Variants in GRHPR observed in about 807,000 individuals in gnomAD.
GRHPR encodes the protein glyoxylate reductase/hydroxypyruvate reductase.
GRHPR carries 35 observed loss-of-function variants against 36.8 expected under a neutral mutation model. The ratio of observed to expected loss-of-function variants is 0.95; its 90% CI spans 0.73 to 1.26. The LOEUF (loss-of-function observed/expected upper bound fraction) is 1.26, where lower values mean the gene tolerates loss of function less well. Ranked by LOEUF, GRHPR falls within the 50% of genes most tolerant of loss-of-function variation. The pLI is 0.00. For synonymous variants in GRHPR, 179 were observed against 181.0 expected, an observed-to-expected ratio of 0.99 and a Z score of 0.09; for missense variants, 380 against 435.0, an observed-to-expected ratio of 0.87 and a Z score of 1.12.
chr9:37,431,097 G>C (rs533392524), intron 7 of GRHPR: 14 of 464,548 alleles, frequency 3.0e-5, no homozygotes, highest in Non-Finnish European at 5.8e-5. Context: ...TCACGTGGTC[G>C]TAGCTCCTCA....
At chr9:37,429,965 G>C in intron 6 of GRHPR, 129 bp downstream of exon 6, 1 of 707,608 alleles carries the variant, frequency 1.4e-6, no homozygotes, top group South Asian at 1.5e-5. Flanking sequence ...CTGTCTGGTA[G>C]ATGTTTAATC....
At chr9:37,434,640 T>G (rs1297119481) in intron 8 of GRHPR, 1 of 173,270 alleles carries the variant, frequency 5.8e-6, no homozygotes, top group Non-Finnish European at 1.2e-5. Flanking sequence ...ACGGACCTTT[T>G]GCAAAATGCC....
At position 37,422,729 on chromosome 9, in the gene GRHPR, C is replaced by A. The variant is rs750839268; in HGVS notation, c.-22C>A. ...GGGCCAGCTTCTGTACTGCCAGGTC[C>A]GGGTCGGCGGCTGCACTGCGGATGA... is the stretch of plus-strand genomic sequence containing the variant. On this transcript the variant is annotated 5_prime_UTR_variant, in exon 1 of 9. Transcript: ENST00000318158. 2 of 1,550,852 alleles carry A rather than the reference C, an allele frequency of 1.3e-6. No individual in the cohort carries two copies. The highest frequency in any genetic ancestry group is 3.7e-5 in the Admixed American group (2 of 53,712).
chr9:37,426,765 T>C lies in GRHPR; in HGVS notation c.404+111T>C, dbSNP rs551500472. ...GAGTTCGAGACCAGTCTGGCCAACA[T>C]AGTGAAACCCCGTCTCTAGTAAAAA... is the stretch of plus-strand genomic sequence containing the variant. On this transcript the variant is annotated intron_variant, in intron 4 of 8. Coordinates refer to ENST00000318158, the MANE Select transcript of GRHPR (RefSeq NM_012203.2). 44 of 705,542 alleles carry C rather than the reference T, an allele frequency of 6.2e-5. No individual in the cohort carries two copies. In the East Asian group the frequency reaches 1.2e-3, roughly 19 times the overall value. 43.7% of individuals were successfully genotyped at this position (705,542 alleles called of 1,614,324 possible). A position where few individuals can be genotyped will look rare whatever the true frequency, so the allele number is the denominator to read the frequency against.
In GRHPR at chr9:37,428,799, TA is replaced by T. The variant is rs1823212073; in HGVS notation, c.493+229del. On this transcript the variant is annotated intron_variant, in intron 5 of 8. Transcript: ENST00000318158. The stretch of plus-strand genomic sequence containing the variant: ...CACCAGGTGATAAAAGCAAGTTGCC[TA>T]AGGGTCAGGGGGCTTCATGATTCCG... 5.6e-5 allele frequency: 38 copies of T among 675,254 alleles called. 2 individuals are homozygous for T. The South Asian group carries it at 5.8e-4, about 10-fold the overall frequency. The allele number at this position is 675,254 out of a possible 1,614,324, so 41.8% of individuals were successfully genotyped here.
chr9:37,423,166 C>CTT lies in GRHPR; in HGVS notation c.83+349_83+350dup, dbSNP rs111508809. On this transcript the variant is annotated intron_variant, in intron 1 of 8. Coordinates refer to ENST00000318158, the MANE Select transcript of GRHPR (RefSeq NM_012203.2). ...ACTCTTCTTCTTTATATTTACTTAT[C>CTT]TTTTTTTTTTTTTTTTTGAGACAGT... is the stretch of plus-strand genomic sequence containing the variant. 3.8e-4 allele frequency among the ~76,000 whole-genome samples: 52 copies of CTT among 137,042 alleles called. 1 individual carries two copies. The highest frequency in any genetic ancestry group is 8.6e-4 in the African/African-American group (32 of 37,154). The allele number at this position is 137,042 out of a possible 152,430, so 89.9% of individuals were successfully genotyped here.
At chr9:37,432,212 G>C in intron 8 of GRHPR, 74 bp downstream of exon 8, 1 of 1,465,432 alleles carries the variant, frequency 6.8e-7, no homozygotes, top group South Asian at 1.2e-5. Context: ...GTCCCAAGGG[G>C]CCGGGTGTGG....
Position 37,432,070 on chromosome 9 carries a change from C to T in GRHPR, c.797C>T (p.Ala266Val). ...TTGGCCAGTGGTAAGATTGCAGCTG[C>T]TGGACTGGATGTGACGAGCCCAGAA... is the stretch of plus-strand genomic sequence containing the variant. ...QALASGKIAA[A>V]GLDVTSPEPL... is the part of the protein sequence containing the mutation. The change falls in exon 8 of 9, where the codon GCT (alanine) becomes GTT (valine). Residue 266 changes from alanine (A) to valine (V), a missense_variant. By Grantham distance (64) the Ala-to-Val change is moderately conservative. Coordinates refer to ENST00000318158, the MANE Select transcript of GRHPR (RefSeq NM_012203.2). The T allele has an allele frequency of 3.1e-6, 5 of 1,614,018 alleles. No homozygotes were observed. The South Asian group carries it at 5.5e-5, about 18-fold the overall frequency.
At position 37,426,612 on chromosome 9, in the gene GRHPR, C is replaced by T; in HGVS notation, c.362C>T (p.Thr121Ile). Residue 121 changes from threonine (T) to isoleucine (I), a missense_variant, in exon 4 of 9, where the codon ACC (threonine) becomes ATC (isoleucine). Coordinates refer to ENST00000318158, the MANE Select transcript of GRHPR (RefSeq NM_012203.2). ...TAELAVSLLL[T>I]TCRRLPEAIE... ...GAACTCGCAGTCTCCCTGCTACTTA[C>T]CACCTGCCGCCGGTTGCCGGAGGCC... is the stretch of plus-strand genomic sequence containing the variant. 8.1e-6 allele frequency: 13 copies of T among 1,613,616 alleles called. No individual in the cohort carries two copies. The highest frequency in any genetic ancestry group is 1.1e-5 in the Non-Finnish European group (13 of 1,179,538).
intron 6 of GRHPR, chr9:37,430,244 G>A (rs1345162534): frequency 6.9e-6 from 4 of 578,320 alleles, no homozygotes; most frequent in Non-Finnish European, 1.2e-5. Context: ...CCACAGCCTG[G>A]TGAGCAGATG....
At chr9:37,427,421 C>T (rs546918240) in intron 4 of GRHPR, among the ~76,000 whole-genome samples, 12 of 152,232 alleles carry the variant, frequency 7.9e-5, no homozygotes, top group African/African-American at 2.9e-4. Context: ...AGGCTGCTGC[C>T]CAGACACTGC....
chr9:37,431,988 G>A lies in GRHPR; in HGVS notation c.735-20G>A. On this transcript the variant is annotated intron_variant, in intron 7 of 8. Transcript: ENST00000318158. ...GCGGAGGGATCTTCGGGGTACCCAT[G>A]TCACCACTGTCATTCCCAGGGGCGA... is the stretch of plus-strand genomic sequence containing the variant. 1 of 1,613,806 alleles carries A rather than the reference G, an allele frequency of 6.2e-7. No individual in the cohort carries two copies. Among genetic ancestry groups the A allele is most frequent in the Non-Finnish European group, 8.5e-7 (1 of 1,179,748 alleles).
chr9:37,425,246 C>T (rs1823026662), intron 2 of GRHPR, among the ~76,000 whole-genome samples: 1 of 152,226 alleles, frequency 6.6e-6, no homozygotes, highest in African/African-American at 2.4e-5. Flanking sequence ...CTGGGTTCTC[C>T]AGCCCTGCCA....
At chr9:37,434,891 A>G (rs1823565850) in intron 8 of GRHPR, 1 of 152,298 alleles carries the variant, frequency 6.6e-6, no homozygotes, top group African/African-American at 2.4e-5. Flanking sequence ...CTCAGCAACC[A>G]AAAACCATTA....
intron 1 of GRHPR, among the ~76,000 whole-genome samples, chr9:37,423,951 G>GA (rs1648756390): frequency 6.6e-6 from 1 of 152,262 alleles, no homozygotes; most frequent in African/African-American, 2.4e-5. Context: ...CTCCCAGGTG[G>GA]AGGAGCTGGG....
In GRHPR at chr9:37,422,842, C is replaced by A; in HGVS notation, c.83+9C>A. The stretch of plus-strand genomic sequence containing the variant: ...CTCGCCCGGGCGGCAGAGTAAGAGC[C>A]TCGCGCGCCGTGGAGGAGGGAGCAG... On this transcript the variant is annotated intron_variant, in intron 1 of 8. Coordinates refer to ENST00000318158, the MANE Select transcript of GRHPR (RefSeq NM_012203.2). 2 of 1,579,894 alleles carry A rather than the reference C, an allele frequency of 1.3e-6. No homozygotes were observed. The highest frequency in any genetic ancestry group is 8.6e-7 in the Non-Finnish European group (1 of 1,163,508).
downstream of GRHPR, chr9:37,438,178 T>C (rs1234121865): frequency 1.3e-5 from 2 of 152,626 alleles, no homozygotes; most frequent in African/African-American, 4.8e-5. Context: ...CTGACATGGA[T>C]GCCTTGATAG....
chr9:37,428,868 G>C, intron 5 of GRHPR: 1 of 503,288 alleles, frequency 2.0e-6, no homozygotes, highest in Non-Finnish European at 3.7e-6. Flanking sequence ...TGTTGGGGCC[G>C]TTAGGAGTGG....
rs528148553 is a variant in GRHPR at position 37,432,216 on chromosome 9, G to GGT, written c.865+82_865+83dup. On this transcript the variant is annotated intron_variant, in intron 8 of 8. Coordinates refer to ENST00000318158, the MANE Select transcript of GRHPR (RefSeq NM_012203.2). ...TTTTTGAGGGGGTCCCAAGGGGCCG[G>GGT]GTGTGGAGCTAGTGTGAGCAGGTGT... 1.8e-4 allele frequency: 254 copies of GGT among 1,423,904 alleles called. 2 individuals carry two copies. The East Asian group carries it at 5.9e-3, about 33-fold the overall frequency. The allele number at this position is 1,423,904 out of a possible 1,614,324, so 88.2% of individuals were successfully genotyped here. A position where few individuals can be genotyped will look rare whatever the true frequency, so the allele number is the denominator to read the frequency against.
Sources: allele counts gnomAD v4.1 joint callset (sites outside exome capture counted in the v4.1 genomes callset), GRCh38; gene constraint gnomAD v4.1.1; transcripts MANE v1.5; gene names NCBI Gene and HGNC (gene_info 2026-07-23, HGNC 2026-07-21).